THUMPD1: variants seen among roughly 807,000 people sequenced by gnomAD.
THUMPD1 encodes the protein THUMP domain-containing protein 1.
Under a neutral mutation model 31.6 loss-of-function variants are expected in THUMPD1, and 31 were observed. The observed-to-expected ratio is 0.98, with a 90% CI of 0.74 to 1.32. The LOEUF (loss-of-function observed/expected upper bound fraction) is 1.32. Ranked by LOEUF, THUMPD1 falls within the 40% of genes most tolerant of loss-of-function variation. THUMPD1 has a pLI of 0.00. For synonymous variants in THUMPD1, 166 were observed against 158.2 expected, an observed-to-expected ratio of 1.05 and a Z score of -0.37; for missense variants, 446 against 427.8, an observed-to-expected ratio of 1.04 and a Z score of -0.38.
Position 20,736,767 on chromosome 16 carries a change from C to G in THUMPD1, c.*113G>C. 9.6e-7 allele frequency: 1 copy of G among 1,037,756 alleles called. No homozygotes were observed. Among genetic ancestry groups the G allele is most frequent in the Non-Finnish European group, 1.4e-6 (1 of 713,084 alleles). The allele number at this position is 1,037,756 out of a possible 1,614,324, so 64.3% of individuals were successfully genotyped here. On this transcript the variant is annotated 3_prime_UTR_variant, in exon 4 of 4. Transcript: ENST00000396083. Reference sequence around the variant, plus strand: ...TCATTGCTCACTACTGTGAGAACAGCATAATGCAGCACACAAATAAAAAAC... The same window carrying G: ...TCATTGCTCACTACTGTGAGAACAGGATAATGCAGCACACAAATAAAAAAC...
intron 1 of THUMPD1, 33 bp downstream of exon 1, chr16:20,741,476 A>G: frequency 1.4e-6 from 2 of 1,388,840 alleles, no homozygotes; most frequent in Non-Finnish European, 9.5e-7. Context: ...AAGGCCTGGC[A>G]GCCGGCCCGC....
chr16:20,741,525 A>G lies in THUMPD1; in HGVS notation c.215T>C (p.Met72Thr). The change falls in exon 1 of 4, where the codon ATG (methionine) becomes ACG (threonine). Residue 72 changes from methionine (M) to threonine (T), a missense_variant. Physicochemically the swap from Met to Thr is moderately conservative, Grantham distance 81 (BLOSUM62 -1). Transcript: ENST00000396083. ...YSLLNEYGDD[M>T]YGPEKFTDKD... The stretch of plus-strand genomic sequence containing the variant: ...GACCGGTACCTTTTCTGGCCCATAC[A>G]TGTCGTCGCCGTATTCGTTGAGGAG... 1 of 1,271,350 alleles carries G rather than the reference A, an allele frequency of 7.9e-7. No homozygotes were observed. Among genetic ancestry groups the G allele is most frequent in the East Asian group, 5.6e-5 (1 of 17,906 alleles). 78.8% of individuals were successfully genotyped at this position (1,271,350 alleles called of 1,614,324 possible). A position where few individuals can be genotyped will look rare whatever the true frequency, so the allele number is the denominator to read the frequency against.
rs976657437 is a variant in THUMPD1 at position 20,739,317 on chromosome 16, A to C, written c.232-246T>G. The stretch of plus-strand genomic sequence containing the variant: ...CAGCCTCCCAAGTAGCTGTGATTAC[A>C]GGCGCATGCCACTACACACAGCTAA... On this transcript the variant is annotated intron_variant, in intron 1 of 3. Transcript: ENST00000396083. 4.6e-5 allele frequency among the ~76,000 whole-genome samples: 7 copies of C among 151,962 alleles called. No individual in the cohort carries two copies. The East Asian group carries it at 1.4e-3, about 30-fold the overall frequency.
intron 3 of THUMPD1, among the ~76,000 whole-genome samples, 160 bp from the exon 4 acceptor site, chr16:20,737,446 C>A (rs907154965): frequency 6.6e-6 from 1 of 152,164 alleles, no homozygotes; most frequent in South Asian, 2.1e-4. Flanking sequence ...TAAATAAACA[C>A]AAATGAAACC....
At chr16:20,740,501 AAT>A (rs2079907745) in intron 1 of THUMPD1, among the ~76,000 whole-genome samples, 1 of 152,242 alleles carries the variant, frequency 6.6e-6, no homozygotes, top group South Asian at 2.1e-4. Context: ...CAGGCACAAT[AAT>A]AATTGTATAC....
rs2079864494 is a variant in THUMPD1, at chr16:20,735,853, TAA to T, written c.*1025_*1026del. On this transcript the variant is annotated 3_prime_UTR_variant, in exon 4 of 4. Transcript: ENST00000396083. Reference sequence around the variant, plus strand: ...CATCAGTAAATCAACTTATTGAGAATAAAGTCTCTTCAACTTTGTACTGCATC... The same window carrying T: ...CATCAGTAAATCAACTTATTGAGAATAGTCTCTTCAACTTTGTACTGCATC... 1 of 152,202 alleles carries T rather than the reference TAA, an allele frequency of 6.6e-6. No individual in the cohort carries two copies. Among genetic ancestry groups the T allele is most frequent in the East Asian group, 1.9e-4 (1 of 5,202 alleles). 9.4% of individuals were successfully genotyped at this position (152,202 alleles called of 1,614,324 possible).
rs1203168383 is a variant in THUMPD1, at chr16:20,741,617, G to A, written c.123C>T (p.Pro41=). 5.7e-6 allele frequency: 9 copies of A among 1,574,140 alleles called. No homozygotes were observed. Among genetic ancestry groups the A allele is most frequent in the Admixed American group, 3.7e-5 (2 of 54,218 alleles). The change falls in exon 1 of 4, where the codon CCC becomes CCT. Residue 41 remains proline (P), a synonymous_variant. Transcript: ENST00000396083. ...AGGTGATGAGGATGCCCTGTAGCCC[G>A]GGCTCTAGCTGACGGGGCCCGCCAG... The part of the protein sequence containing the change: ...CDAGGPRQLE[P]GLQGILITCN...
chr16:20,737,211 A>G lies in THUMPD1; in HGVS notation c.731T>C (p.Ile244Thr), dbSNP rs755807652. 6.2e-7 allele frequency: 1 copy of G among 1,614,208 alleles called. No individual in the cohort carries two copies. Among genetic ancestry groups the G allele is most frequent in the Non-Finnish European group, 8.5e-7 (1 of 1,180,024 alleles). The change falls in exon 4 of 4, where the codon ATC becomes ACC. Residue 244 changes from isoleucine to threonine, a missense_variant. Physicochemically the swap from Ile to Thr is moderately conservative, Grantham distance 89 (BLOSUM62 -1). Coordinates refer to ENST00000396083, the MANE Select transcript of THUMPD1 (RefSeq NM_017736.5). ...NPQYTVVVEI[I>T]KAVCCLSVVK... ...AACACTCAGGCAACAGACAGCTTTG[A>G]TGATTTCTACTACCACTGTGTACTG...
Position 20,736,803 on chromosome 16 carries a change from C to T in THUMPD1, c.*77G>A. 1 of 1,459,050 alleles carries T rather than the reference C, an allele frequency of 6.9e-7. No homozygotes were observed. The highest frequency in any genetic ancestry group is 9.3e-7 in the Non-Finnish European group (1 of 1,073,060). 90.4% of individuals were successfully genotyped at this position (1,459,050 alleles called of 1,614,324 possible). On this transcript the variant is annotated 3_prime_UTR_variant, in exon 4 of 4. Transcript: ENST00000396083. The stretch of plus-strand genomic sequence containing the variant: ...ACACAAATAAAAAACTGTTTTTAGT[C>T]ACAATTTAAGGTGGAGCCCCAGCAA...
Position 20,737,400 on chromosome 16 carries a change from T to C in THUMPD1, c.656-114A>G, listed in dbSNP as rs564892621. On this transcript the variant is annotated intron_variant, in intron 3 of 3. Coordinates refer to ENST00000396083, the MANE Select transcript of THUMPD1 (RefSeq NM_017736.5). ...AAACAAGACATACAGTAATCCACTC[T>C]TCTATGTGGACTTCAAATAATCTGA... 3.8e-6 allele frequency: 4 copies of C among 1,051,420 alleles called. No individual in the cohort carries two copies. The South Asian group carries it at 5.6e-5, about 15-fold the overall frequency. 65.1% of individuals were successfully genotyped at this position (1,051,420 alleles called of 1,614,324 possible). A position where few individuals can be genotyped will look rare whatever the true frequency, so the allele number is the denominator to read the frequency against.
At chr16:20,738,322 A>G in intron 2 of THUMPD1, 2 of 415,916 alleles carry the variant, frequency 4.8e-6, no homozygotes, top group South Asian at 1.8e-5. Flanking sequence ...AAAAAAAAAA[A>G]AAAAAATTCT....
rs548908269 is a variant in THUMPD1 at position 20,741,489 on chromosome 16, G to A, written c.231+20C>T. On this transcript the variant is annotated intron_variant, in intron 1 of 3. Transcript: ENST00000396083. ...GCAAGGCCTGGCAGCCGGCCCGCCC[G>A]CCCACCCCGGGACCGGTACCTTTTC... The A allele has an allele frequency of 7.7e-6, 5 of 650,326 alleles. No homozygotes were observed. The highest frequency in any genetic ancestry group is 8.5e-5 in the African/African-American group (2 of 23,446). 40.3% of individuals were successfully genotyped at this position (650,326 alleles called of 1,614,324 possible).
At chr16:20,741,435 C>A in intron 1 of THUMPD1, 74 bp downstream of exon 1, 1 of 1,450,766 alleles carries the variant, frequency 6.9e-7, no homozygotes, top group Non-Finnish European at 9.1e-7. Context: ...CCCATACCAG[C>A]AGCCATCCCT....
chr16:20,741,444 C>G, intron 1 of THUMPD1, 65 bp downstream of exon 1: 1 of 1,467,740 alleles, frequency 6.8e-7, no homozygotes, highest in Non-Finnish European at 9.0e-7. Flanking sequence ...GCAGCCATCC[C>G]TCCACCCTTC....
In THUMPD1 at chr16:20,741,543, T is replaced by C. The variant is rs138029334; in HGVS notation, c.197A>G (p.Asn66Ser). The C allele has an allele frequency of 3.2e-4, 432 of 1,339,852 alleles. 2 individuals carry two copies. Among genetic ancestry groups the C allele is most frequent in the Non-Finnish European group, 4.0e-4 (403 of 1,012,036 alleles). The allele number at this position is 1,339,852 out of a possible 1,614,324, so 83.0% of individuals were successfully genotyped here. A position where few individuals can be genotyped will look rare whatever the true frequency, so the allele number is the denominator to read the frequency against. Residue 66 changes from asparagine to serine, a missense_variant, in exon 1 of 4, where the codon AAC becomes AGC. Coordinates refer to ENST00000396083, the MANE Select transcript of THUMPD1 (RefSeq NM_017736.5). ...CCCATACATGTCGTCGCCGTATTCG[T>C]TGAGGAGGCTGTAGGCCTCCTCCAC... is the stretch of plus-strand genomic sequence containing the variant. ...KCVEEAYSLL[N>S]EYGDDMYGPE...
chr16:20,733,863 A>C lies in THUMPD1; in HGVS notation c.*3017T>G, dbSNP rs1009668842. 50 of 152,128 alleles carry C rather than the reference A, an allele frequency of 3.3e-4. No homozygotes were observed. Among genetic ancestry groups the C allele is most frequent in the African/African-American group, 1.2e-3 (48 of 41,452 alleles). 9.4% of individuals were successfully genotyped at this position (152,128 alleles called of 1,614,324 possible). A position where few individuals can be genotyped will look rare whatever the true frequency, so the allele number is the denominator to read the frequency against. On this transcript the variant is annotated 3_prime_UTR_variant, in exon 4 of 4. Transcript: ENST00000396083. Reference sequence around the variant, plus strand: ...TGGAGCTAAACAAGTTTTCTAAACCATAAGACTGCAGTTTTTTTATTTTTT... The same window carrying C: ...TGGAGCTAAACAAGTTTTCTAAACCCTAAGACTGCAGTTTTTTTATTTTTT...
At position 20,741,642 on chromosome 16, in the gene THUMPD1, G is replaced by A. The variant is rs368242576; in HGVS notation, c.98C>T (p.Ala33Val). The A allele has an allele frequency of 1.2e-4, 196 of 1,582,404 alleles. No individual in the cohort carries two copies. The highest frequency in any genetic ancestry group is 1.6e-4 in the Non-Finnish European group (188 of 1,164,600). The change falls in exon 1 of 4, where the codon GCT (alanine) becomes GTT (valine). Residue 33 changes from alanine to valine, a missense_variant. By Grantham distance (64) the Ala-to-Val change is moderately conservative. Coordinates refer to ENST00000396083, the MANE Select transcript of THUMPD1 (RefSeq NM_017736.5). ...GGGCTCTAGCTGACGGGGCCCGCCA[G>A]CGTCGCAGCGCCGAGCGCGCTTGGC... ...VLAKRARRCD[A>V]GGPRQLEPGL...
At chr16:20,737,590 TTAATA>T (rs750011246) in intron 3 of THUMPD1, 113 bp downstream of exon 3, 56 of 1,045,898 alleles carry the variant, frequency 5.4e-5, no homozygotes, top group Non-Finnish European at 7.1e-5. Context: ...TAAGAACATT[TTAATA>T]TATTTGTTCT....
chr16:20,740,224 G>A (rs2079905118), intron 1 of THUMPD1, among the ~76,000 whole-genome samples: 2 of 152,074 alleles, frequency 1.3e-5, no homozygotes, highest in South Asian at 2.1e-4. Context: ...CTGAGAACCC[G>A]TCTCTACAAA....
Sources: gnomAD v4.1 joint callset for allele counts (sites outside exome capture counted in the v4.1 genomes callset) on GRCh38, gnomAD v4.1.1 for gene constraint, MANE v1.5 for transcripts, NCBI Gene and HGNC (gene_info 2026-07-23, HGNC 2026-07-21) for gene names.